Variants in TRIM2 observed in about 807,000 individuals in gnomAD.
The protein encoded by TRIM2 is tripartite motif-containing protein 2.
A neutral mutation model predicts 75.2 loss-of-function variants in TRIM2; 20 were observed. The ratio of observed to expected loss-of-function variants is 0.27; its 90% CI spans 0.19 to 0.39. The LOEUF (loss-of-function observed/expected upper bound fraction) is 0.39, where lower values mean the gene tolerates loss of function less well. Ranked by LOEUF, TRIM2 falls within the 10% of genes least tolerant of loss-of-function variation. The pLI is 1.00. For missense variants in TRIM2, 660 were observed against 990.8 expected (o/e 0.67, Z 4.48); for synonymous variants, 373 against 388.3 (o/e 0.96, Z 0.46).
At chr4:153,231,736 A>G (rs908063042) in intron 1 of TRIM2, among the ~76,000 whole-genome samples, 7 of 152,282 alleles carry the variant, frequency 4.6e-5, no homozygotes, top group African/African-American at 1.7e-4. Context: ...CCCTTGGCTT[A>G]TAAATAGTGT....
At chr4:153,274,671 C>T (rs1218890222) in intron 2 of TRIM2, among the ~76,000 whole-genome samples, 2 of 152,132 alleles carry the variant, frequency 1.3e-5, no homozygotes, top group East Asian at 3.9e-4. Context: ...TAACTCAAAA[C>T]TGTATTGACT....
intron 1 of TRIM2, among the ~76,000 whole-genome samples, chr4:153,263,436 G>A (rs1479477248): frequency 6.6e-6 from 1 of 152,210 alleles, no homozygotes; most frequent in African/African-American, 2.4e-5. Context: ...ATGGAATTCA[G>A]CAAGTGCTGC....
chr4:153,170,908 A>G (rs371049437), intron 1 of TRIM2, among the ~76,000 whole-genome samples: 1 of 152,216 alleles, frequency 6.6e-6, no homozygotes, highest in African/African-American at 2.4e-5. Flanking sequence ...TGACCAGTAG[A>G]CTTGGCAGGC....
chr4:153,206,519 A>G (rs1287189554), intron 1 of TRIM2, among the ~76,000 whole-genome samples: 4 of 152,066 alleles, frequency 2.6e-5, no homozygotes, highest in African/African-American at 7.2e-5. Context: ...TGGAGCTTTC[A>G]TGTCCTCTCC....
chr4:153,275,862 G>A, intron 2 of TRIM2, 31 bp from the exon 3 acceptor site: 1 of 1,599,754 alleles, frequency 6.3e-7, no homozygotes, highest in South Asian at 1.1e-5. Flanking sequence ...TCTGCACTGT[G>A]CTAAGCTCTC....
At chr4:153,250,558 C>T (rs1220651223) in intron 1 of TRIM2, among the ~76,000 whole-genome samples, 3 of 152,160 alleles carry the variant, frequency 2.0e-5, no homozygotes, top group Non-Finnish European at 4.4e-5. Flanking sequence ...CCAGACCAAC[C>T]AAAATTCCTC....
intron 1 of TRIM2, among the ~76,000 whole-genome samples, chr4:153,209,909 C>A (rs555943833): frequency 1.3e-5 from 2 of 152,240 alleles, no homozygotes; most frequent in African/African-American, 4.8e-5. Context: ...TCACTCTTTG[C>A]AGGAGAATAA....
intron 2 of TRIM2, among the ~76,000 whole-genome samples, chr4:153,272,837 GT>G (rs1757042413): frequency 2.0e-5 from 3 of 151,714 alleles, no homozygotes; most frequent in African/African-American, 7.3e-5. Flanking sequence ...TTTTTTGTTT[GT>G]TTGTTTGTTT....
At chr4:153,208,586 C>T (rs1422469755) in intron 1 of TRIM2, among the ~76,000 whole-genome samples, 6 of 152,040 alleles carry the variant, frequency 3.9e-5, no homozygotes, top group Admixed American at 1.3e-4. Flanking sequence ...GAGCTGAACT[C>T]GAGTCTCAGG....
At chr4:153,162,482 T>C (rs185411250) in intron 1 of TRIM2, among the ~76,000 whole-genome samples, 6 of 152,306 alleles carry the variant, frequency 3.9e-5, no homozygotes, top group African/African-American at 1.2e-4. Flanking sequence ...ATTCATCCTT[T>C]TGTTCTAGTG....
At chr4:153,230,948 A>T (rs1181293487) in intron 1 of TRIM2, among the ~76,000 whole-genome samples, 1 of 152,212 alleles carries the variant, frequency 6.6e-6, no homozygotes, top group Non-Finnish European at 1.5e-5. Context: ...AAATAATTCC[A>T]TCTTATCTTG....
intron 1 of TRIM2, among the ~76,000 whole-genome samples, chr4:153,204,915 C>T (rs1397643755): frequency 6.6e-6 from 1 of 152,202 alleles, no homozygotes; most frequent in East Asian, 1.9e-4. Flanking sequence ...CTGGGCCTCT[C>T]CGGGGTTTCT....
chr4:153,331,556 G>T (rs1035617671), intron 11 of TRIM2, among the ~76,000 whole-genome samples: 1 of 152,160 alleles, frequency 6.6e-6, no homozygotes, highest in East Asian at 1.9e-4. Flanking sequence ...ACTCAACAAT[G>T]ATGTCAGTTG....
At chr4:153,244,349 T>TTCTTCTTCTTCC (rs1560874169) in intron 1 of TRIM2, among the ~76,000 whole-genome samples, 2 of 30,474 alleles carry the variant, frequency 6.6e-5, no homozygotes, top group Non-Finnish European at 1.0e-4. Context: ...CTTCTTCTTC[T>TTCTTCTTCTTCC]TCTTCCTCTT....
At chr4:153,259,700 A>T (rs1752936177) in intron 1 of TRIM2, among the ~76,000 whole-genome samples, 1 of 152,138 alleles carries the variant, frequency 6.6e-6, no homozygotes, top group Non-Finnish European at 1.5e-5. Context: ...TACTTATATA[A>T]AGGCTGTAGT....
chr4:153,305,776 A>G (rs912748009), intron 6 of TRIM2, among the ~76,000 whole-genome samples: 2 of 152,158 alleles, frequency 1.3e-5, no homozygotes, highest in African/African-American at 4.8e-5. Flanking sequence ...TAAAAGCCTC[A>G]CCTCTCAACA....
chr4:153,254,742 G>A (rs1751655131), intron 1 of TRIM2, among the ~76,000 whole-genome samples: 1 of 152,194 alleles, frequency 6.6e-6, no homozygotes, highest in South Asian at 2.1e-4. Context: ...GCAATATTAT[G>A]TGTGTTTGTT....
intron 1 of TRIM2, among the ~76,000 whole-genome samples, chr4:153,198,587 G>A (rs1409960881): frequency 6.6e-6 from 1 of 152,104 alleles, no homozygotes; most frequent in East Asian, 1.9e-4. Flanking sequence ...ATTCATCTAT[G>A]TATTATCCAA....
At chr4:153,317,538 G>T (rs753090018) in intron 8 of TRIM2, among the ~76,000 whole-genome samples, 1 of 151,760 alleles carries the variant, frequency 6.6e-6, no homozygotes, top group African/African-American at 2.4e-5. Context: ...AGTCCCAGCT[G>T]CTGGGGAGGC....
Sources: allele counts gnomAD v4.1 joint callset (sites outside exome capture counted in the v4.1 genomes callset), GRCh38; gene constraint gnomAD v4.1.1; transcripts MANE v1.5; gene names NCBI Gene and HGNC (gene_info 2026-07-23, HGNC 2026-07-21).